The following KIAA1328 variants were observed in gnomAD, a reference collection of about 807,000 sequenced individuals.
KIAA1328 encodes the protein KIAA1328, also known as protein hinderin.
KIAA1328 carries 52 observed loss-of-function variants against 68.1 expected under a neutral mutation model. That is an observed-to-expected ratio of 0.76 (90% CI 0.61 to 0.96). The LOEUF (loss-of-function observed/expected upper bound fraction) is 0.96. Among genes scored for constraint, KIAA1328 ranks in the 40% least tolerant of loss-of-function variants. The pLI, the probability that KIAA1328 is intolerant of heterozygous loss-of-function variation, is 0.00. For synonymous variants in KIAA1328, 232 were observed against 239.4 expected (o/e 0.97, Z 0.28); for missense variants, 641 against 677.6 (o/e 0.95, Z 0.60).
chr18:37,226,496 T>A (rs2060638390), downstream of KIAA1328, among the ~76,000 whole-genome samples: 1 of 152,148 alleles, frequency 6.6e-6, no homozygotes, highest in Non-Finnish European at 1.5e-5. Context: ...TTAATTGACT[T>A]GCTGTCTCTA....
chr18:37,193,183 T>C (rs1235859106), intron 9 of KIAA1328, among the ~76,000 whole-genome samples: 4 of 152,140 alleles, frequency 2.6e-5, no homozygotes, highest in African/African-American at 9.7e-5. Context: ...AATGATAATA[T>C]GTATGAAGAC....
At chr18:36,960,947 AGCTG>A (rs987021472) in intron 6 of KIAA1328, among the ~76,000 whole-genome samples, 3 of 152,236 alleles carry the variant, frequency 2.0e-5, no homozygotes, top group African/African-American at 7.2e-5. Context: ...AATGGAACAA[AGCTG>A]GCTGGAGAAT....
At chr18:37,038,448 A>C (rs1412120207) in intron 6 of KIAA1328, among the ~76,000 whole-genome samples, 6 of 152,128 alleles carry the variant, frequency 3.9e-5, no homozygotes, top group Non-Finnish European at 8.8e-5. Flanking sequence ...AATTTTATTA[A>C]TTTTATTTTC....
intron 9 of KIAA1328, among the ~76,000 whole-genome samples, chr18:37,192,109 T>A (rs2059916153): frequency 6.6e-6 from 1 of 151,894 alleles, no homozygotes; most frequent in African/African-American, 2.4e-5. Context: ...GCCCTGAACA[T>A]CTAGTTTTAC....
intron 6 of KIAA1328, among the ~76,000 whole-genome samples, chr18:37,052,293 C>T (rs1231094666): frequency 6.6e-6 from 1 of 152,144 alleles, no homozygotes; most frequent in Non-Finnish European, 1.5e-5. Context: ...AATCCAACAT[C>T]TCTTCATGAT....
Position 37,223,997 on chromosome 18 carries a change from G to A in KIAA1328, c.*1770G>A, listed in dbSNP as rs1016434120. On this transcript the variant is annotated 3_prime_UTR_variant, in exon 10 of 10. Coordinates refer to ENST00000280020, the MANE Select transcript of KIAA1328 (RefSeq NM_020776.3). ...GTTCACCTCTGAGAGTAACCAAATC[G>A]GTTTCATCCCATATCAAAAAGCCTT... 57 of 985,166 alleles carry A rather than the reference G, an allele frequency of 5.8e-5. No individual in the cohort carries two copies. Among genetic ancestry groups the A allele is most frequent in the East Asian group, 1.1e-4 (1 of 8,836 alleles). The allele number at this position is 985,166 out of a possible 1,614,324, so 61.0% of individuals were successfully genotyped here.
At chr18:36,834,560 A>T (rs937333132) in intron 2 of KIAA1328, among the ~76,000 whole-genome samples, 2 of 152,226 alleles carry the variant, frequency 1.3e-5, no homozygotes, top group Non-Finnish European at 2.9e-5. Context: ...GGCTGGCCCA[A>T]TCAGCTTTTA....
At chr18:36,950,881 C>A (rs1771572276) in intron 5 of KIAA1328, among the ~76,000 whole-genome samples, 1 of 152,092 alleles carries the variant, frequency 6.6e-6, no homozygotes, top group Non-Finnish European at 1.5e-5. Flanking sequence ...AGCTTCTCTC[C>A]CTGACAAGAA....
At chr18:37,020,904 G>A (rs1265333293) in intron 6 of KIAA1328, among the ~76,000 whole-genome samples, 1 of 152,088 alleles carries the variant, frequency 6.6e-6, no homozygotes, top group Non-Finnish European at 1.5e-5. Context: ...GTTAATTTCT[G>A]CCCTTCTTAC....
chr18:37,017,486 C>T (rs897251318), intron 6 of KIAA1328, among the ~76,000 whole-genome samples: 1 of 152,036 alleles, frequency 6.6e-6, no homozygotes, highest in Admixed American at 6.6e-5. Context: ...TCCAATTGTT[C>T]AGGTGTGAAG....
intron 5 of KIAA1328, among the ~76,000 whole-genome samples, chr18:36,943,415 A>G (rs1237220505): frequency 6.6e-6 from 1 of 152,154 alleles, no homozygotes; most frequent in Non-Finnish European, 1.5e-5. Context: ...TACATGGTTT[A>G]TATATTTCAG....
intron 4 of KIAA1328, among the ~76,000 whole-genome samples, chr18:36,855,793 A>ATTTAACTATTATAT (rs1440235945): frequency 6.6e-6 from 1 of 151,754 alleles, no homozygotes; most frequent in Non-Finnish European, 1.5e-5. Flanking sequence ...TTAAGTATTT[A>ATTTAACTATTATAT]TTTAACTATT....
intron 6 of KIAA1328, among the ~76,000 whole-genome samples, chr18:36,989,151 T>C (rs1194621682): frequency 2.0e-5 from 3 of 152,170 alleles, no homozygotes; most frequent in Non-Finnish European, 2.9e-5. Context: ...GAATACTTTG[T>C]CAATTAAGAG....
chr18:36,991,484 C>T (rs117878247), intron 6 of KIAA1328, among the ~76,000 whole-genome samples: 2,403 of 152,250 alleles, frequency 0.016, 34 homozygotes, highest in East Asian at 0.074. Flanking sequence ...AAACAAAAAC[C>T]TTGAGACTTT....
chr18:37,123,084 C>T (rs2058311051), intron 7 of KIAA1328, among the ~76,000 whole-genome samples: 1 of 152,152 alleles, frequency 6.6e-6, no homozygotes, highest in Admixed American at 6.6e-5. Flanking sequence ...TTTAACCTTG[C>T]TAACCCTTGG....
At chr18:37,102,708 A>G (rs996323712) in intron 7 of KIAA1328, among the ~76,000 whole-genome samples, 2 of 152,214 alleles carry the variant, frequency 1.3e-5, no homozygotes, top group African/African-American at 2.4e-5. Flanking sequence ...TATTCAACAT[A>G]GTACTGGAAG....
chr18:36,983,556 G>A (rs1440524306), intron 6 of KIAA1328, among the ~76,000 whole-genome samples: 1 of 151,866 alleles, frequency 6.6e-6, no homozygotes, highest in African/African-American at 2.4e-5. Flanking sequence ...TGTAATTGCC[G>A]TTATGAGAAT....
rs75725293 is a variant in KIAA1328, at chr18:37,069,678, A to C, written c.1232+2133A>C. ...ATTTTTTGAGACTTTTTAAATTCCA[A>C]GTTTAATTTCCTTAATACTTACAAG... is the stretch of plus-strand genomic sequence containing the variant. On this transcript the variant is annotated intron_variant, in intron 7 of 9. Coordinates refer to ENST00000280020, the MANE Select transcript of KIAA1328 (RefSeq NM_020776.3). Among the ~76,000 whole-genome samples, 165 of 152,280 alleles carry C rather than the reference A, an allele frequency of 1.1e-3. 1 individual carries two copies. In the East Asian group the frequency reaches 0.028, roughly 26 times the overall value.
chr18:37,034,626 C>T (rs540328331), intron 6 of KIAA1328, among the ~76,000 whole-genome samples: 2 of 152,142 alleles, frequency 1.3e-5, no homozygotes, highest in Non-Finnish European at 2.9e-5. Flanking sequence ...GTGCTTTCAT[C>T]AGATATATCT....
Sources: gnomAD v4.1 joint callset for allele counts (sites outside exome capture counted in the v4.1 genomes callset) on GRCh38, gnomAD v4.1.1 for gene constraint, MANE v1.5 for transcripts, NCBI Gene and HGNC (gene_info 2026-07-23, HGNC 2026-07-21) for gene names.